Variants in PTPRC observed in about 807,000 individuals in gnomAD.
PTPRC encodes the protein receptor-type tyrosine-protein phosphatase C.
In PTPRC, 44 loss-of-function variants were observed where a neutral mutation model predicts 155.9. That is an observed-to-expected ratio of 0.28 (90% CI 0.22 to 0.36). The LOEUF (loss-of-function observed/expected upper bound fraction) is 0.36, where lower values mean the gene tolerates loss of function less well. Among genes scored for constraint, PTPRC ranks in the 10% least tolerant of loss-of-function variants. The pLI is 1.00. For synonymous variants in PTPRC, 525 were observed against 533.1 expected (o/e 0.98, Z 0.21); for missense variants, 1,401 against 1,564.6 (o/e 0.90, Z 1.76).
intron 18 of PTPRC, 35 bp downstream of exon 18, chr1:198,731,761 G>T (rs1476999565): frequency 2.7e-6 from 4 of 1,456,022 alleles, no homozygotes; most frequent in East Asian, 2.3e-5. Flanking sequence ...TGATAAATTC[G>T]ACATCAAGAC....
intron 15 of PTPRC, 110 bp from the exon 16 acceptor site, chr1:198,728,230 C>T: frequency 1.2e-6 from 1 of 804,952 alleles, no homozygotes; most frequent in South Asian, 2.0e-5. Context: ...TTTAAAACCT[C>T]ACAATAAATT....
At position 198,744,137 on chromosome 1, in the gene PTPRC, A is replaced by C. The variant is rs770486723; in HGVS notation, c.2781A>C (p.Pro927=). The C allele has an allele frequency of 2.5e-6, 4 of 1,604,748 alleles. No homozygotes were observed. The Admixed American group carries it at 6.7e-5, about 27-fold the overall frequency. ...ETEVNLSELH[P]YLHNMKKRDP... ...AAGTGAATTTGTCTGAATTACATCCATATCTACATAACATGAAGAAAAGGG... is the reference window on the plus strand; with the variant it reads ...AAGTGAATTTGTCTGAATTACATCCCTATCTACATAACATGAAGAAAAGGG... The change falls in exon 26 of 33, where the codon CCA becomes CCC. Residue 927 remains proline (P), a synonymous_variant. Transcript: ENST00000442510.
intron 17 of PTPRC, among the ~76,000 whole-genome samples, chr1:198,730,378 T>A (rs72738072): frequency 0.011 from 1,686 of 152,260 alleles, 19 homozygotes; most frequent in Non-Finnish European, 0.013. Context: ...CATTTGGTCA[T>A]TGACTATCCT....
rs3835635 is a variant in PTPRC, at chr1:198,685,626, TA to T, written c.74-6714del. Among the ~76,000 whole-genome samples, 42 of 151,194 alleles carry T rather than the reference TA, an allele frequency of 2.8e-4. No homozygotes were observed. In the South Asian group the frequency reaches 3.1e-3, roughly 11 times the overall value. ...TGGACCATATAGCAGATTTCTAGCA[TA>T]AAAAAAGTGCAATTCTCTTATTTTT... is the stretch of plus-strand genomic sequence containing the variant. On this transcript the variant is annotated intron_variant, in intron 2 of 32. Transcript: ENST00000442510.
chr1:198,748,816 A>C (rs1429110485), intron 27 of PTPRC, among the ~76,000 whole-genome samples: 1 of 151,796 alleles, frequency 6.6e-6, no homozygotes, highest in South Asian at 2.1e-4. Flanking sequence ...TTAGATGACC[A>C]AATAAATCAG....
intron 2 of PTPRC, among the ~76,000 whole-genome samples, chr1:198,675,972 C>T (rs915024564): frequency 1.3e-5 from 2 of 152,226 alleles, no homozygotes; most frequent in African/African-American, 2.4e-5. Flanking sequence ...GCTCTGGATG[C>T]TATCTGGAAT....
chr1:198,667,741 A>G (rs1479823335), intron 2 of PTPRC, among the ~76,000 whole-genome samples: 1 of 152,248 alleles, frequency 6.6e-6, no homozygotes, highest in Non-Finnish European at 1.5e-5. Context: ...CAAACTGTCA[A>G]TTCATAACAT....
intron 5 of PTPRC, among the ~76,000 whole-genome samples, chr1:198,701,309 T>C (rs756231867): frequency 6.6e-6 from 1 of 152,232 alleles, no homozygotes; most frequent in Admixed American, 6.5e-5. Context: ...GGTAGACACC[T>C]GCAAGCTCAA....
At chr1:198,663,677 G>T (rs772672877) in intron 2 of PTPRC, among the ~76,000 whole-genome samples, 2 of 152,138 alleles carry the variant, frequency 1.3e-5, no homozygotes, top group Non-Finnish European at 2.9e-5. Context: ...AGATTTCTTG[G>T]ATTTAAATCC....
chr1:198,749,603 A>G lies in PTPRC; in HGVS notation c.3072+54A>G, dbSNP rs549239314. ...ATCCAAACATTTTAAAATAATATCT[A>G]TGTTATTAGGGCCATTCATTAAGCG... On this transcript the variant is annotated intron_variant, in intron 28 of 32. Transcript: ENST00000442510. 2,214 of 1,552,278 alleles carry G rather than the reference A, an allele frequency of 1.4e-3. 5 individuals are homozygous for G. Among genetic ancestry groups the G allele is most frequent in the Non-Finnish European group, 1.8e-3 (2,029 of 1,127,096 alleles).
intron 23 of PTPRC, among the ~76,000 whole-genome samples, chr1:198,738,447 C>T (rs1282630569): frequency 6.6e-6 from 1 of 151,744 alleles, no homozygotes; most frequent in Non-Finnish European, 1.5e-5. Context: ...TAATGTATCA[C>T]AATAATTGAT....
At position 198,709,715 on chromosome 1, in the gene PTPRC, T is replaced by G. The variant is rs1558013560; in HGVS notation, c.1062T>G (p.Ile354Met). 6.3e-7 allele frequency: 1 copy of G among 1,595,696 alleles called. No homozygotes were observed. The highest frequency in any genetic ancestry group is 1.7e-5 in the Admixed American group (1 of 58,678). The change falls in exon 11 of 33, where the codon ATT becomes ATG. Residue 354 changes from isoleucine (I) to methionine (M), a missense_variant. Physicochemically the swap from Ile to Met is conservative, Grantham distance 10. Transcript: ENST00000442510. ...ATATGATATTTGATAATAAAGAAAT[T>G]AAATTAGAAAACCTTGAACCCGAAC... ...CGNMIFDNKE[I>M]KLENLEPEHE...
chr1:198,743,067 CAA>C (rs10628640), intron 25 of PTPRC, among the ~76,000 whole-genome samples: 7,397 of 75,926 alleles, frequency 0.097, 226 homozygotes, highest in Middle Eastern at 0.14. Context: ...GTCAAAATAG[CAA>C]AAAAAAAAAA....
intron 2 of PTPRC, among the ~76,000 whole-genome samples, chr1:198,668,387 C>T (rs1664443536): frequency 6.6e-6 from 1 of 151,992 alleles, no homozygotes; most frequent in Non-Finnish European, 1.5e-5. Context: ...AAAATAATGT[C>T]ACCCAAATTA....
chr1:198,656,653 G>GT (rs67367377), intron 2 of PTPRC, among the ~76,000 whole-genome samples: 9,385 of 141,666 alleles, frequency 0.066, 392 homozygotes, highest in Non-Finnish European at 0.097. Context: ...TTTGTTTTTT[G>GT]TTTTTTTTTT....
chr1:198,643,141 T>A (rs934207728), intron 2 of PTPRC, among the ~76,000 whole-genome samples: 3 of 151,924 alleles, frequency 2.0e-5, no homozygotes, highest in Non-Finnish European at 2.9e-5. Context: ...AATTGCACAC[T>A]TTTTATCACC....
At chr1:198,692,668 G>A (rs1571839396) in intron 3 of PTPRC, 1 of 949,504 alleles carries the variant, frequency 1.1e-6, no homozygotes, top group Middle Eastern at 5.1e-4. Context: ...AATATTTTAA[G>A]ACTATAAAAA....
intron 11 of PTPRC, among the ~76,000 whole-genome samples, chr1:198,712,215 T>C (rs1280882513): frequency 6.6e-6 from 1 of 152,124 alleles, no homozygotes; most frequent in African/African-American, 2.4e-5. Context: ...TTACATTGAG[T>C]GCAATATGTT....
intron 3 of PTPRC, among the ~76,000 whole-genome samples, chr1:198,696,415 C>T (rs1666206845): frequency 6.6e-6 from 1 of 151,892 alleles, no homozygotes; most frequent in Admixed American, 6.6e-5. Context: ...TTCATTTCCC[C>T]ATTTTTATCT....
Sources: allele counts gnomAD v4.1 joint callset (sites outside exome capture counted in the v4.1 genomes callset), GRCh38; gene constraint gnomAD v4.1.1; transcripts MANE v1.5; gene names NCBI Gene and HGNC (gene_info 2026-07-23, HGNC 2026-07-21).